Variants in ADGRF5 observed in about 807,000 individuals in gnomAD.
ADGRF5 encodes the protein G-protein coupled receptor 116.
Under a neutral mutation model 132.3 loss-of-function variants are expected in ADGRF5, and 75 were observed. The ratio of observed to expected loss-of-function variants is 0.57; its 90% CI spans 0.47 to 0.69. The LOEUF (loss-of-function observed/expected upper bound fraction) is 0.69, where lower values mean the gene tolerates loss of function less well. Ranked by LOEUF, ADGRF5 falls within the 30% of genes least tolerant of loss-of-function variation. The probability of loss-of-function intolerance (pLI) is 0.00; values close to 1 mark genes in which losing one functional copy is unlikely to be tolerated. For missense variants in ADGRF5, 1,516 were observed against 1,630.6 expected (o/e 0.93, Z 1.21); for synonymous variants, 629 against 597.6 (o/e 1.05, Z -0.77).
chr6:46,953,629 TTA>T (rs1778581084), intron 1 of ADGRF5, among the ~76,000 whole-genome samples: 1 of 65,072 alleles, frequency 1.5e-5, no homozygotes, highest in Non-Finnish European at 3.0e-5. Context: ...AAAAAAAAAA[TTA>T]TATATATATA....
At chr6:46,925,308 T>G (rs938804694), upstream of ADGRF5, among the ~76,000 whole-genome samples, 3 of 152,228 alleles carry the variant, frequency 2.0e-5, no homozygotes, top group African/African-American at 7.2e-5. Context: ...TGCCCTAACA[T>G]TGCTTTCTTA....
At chr6:46,857,254 C>T (rs940335262) in intron 17 of ADGRF5, among the ~76,000 whole-genome samples, 7 of 152,130 alleles carry the variant, frequency 4.6e-5, no homozygotes, top group African/African-American at 1.2e-4. Flanking sequence ...TAGTTCCTTC[C>T]AAATGAGGCA....
At chr6:46,872,979 C>T (rs745980552) in intron 10 of ADGRF5, among the ~76,000 whole-genome samples, 2 of 152,128 alleles carry the variant, frequency 1.3e-5, no homozygotes, top group Non-Finnish European at 2.9e-5. Flanking sequence ...TTGTTTGAAA[C>T]ACGAAACTGA....
intron 1 of ADGRF5, among the ~76,000 whole-genome samples, chr6:46,929,698 T>G (rs559004376): frequency 6.6e-6 from 1 of 152,032 alleles, no homozygotes; most frequent in Non-Finnish European, 1.5e-5. Flanking sequence ...TGTTTAACGA[T>G]GTTTGGCTTT....
intron 1 of ADGRF5, among the ~76,000 whole-genome samples, chr6:46,928,770 T>G (rs1485156808): frequency 6.6e-6 from 1 of 152,116 alleles, no homozygotes. Context: ...ATCAGAGAAA[T>G]GCAAATCAAA....
chr6:46,926,672 GCCCATGGTATGAAATACGTCA>G, upstream of ADGRF5, among the ~76,000 whole-genome samples: 1 of 152,098 alleles, frequency 6.6e-6, no homozygotes, highest in South Asian at 2.1e-4. Context: ...CACTTCTGAT[GCCCATGGTATGAAATACGTCA>G]CCCACATGCC....
chr6:46,925,210 T>C (rs1409832942), upstream of ADGRF5, among the ~76,000 whole-genome samples: 1 of 152,144 alleles, frequency 6.6e-6, no homozygotes. Context: ...CATTTCAGGG[T>C]CTTCACACTT....
chr6:46,926,481 G>GA (rs1777247240), upstream of ADGRF5, among the ~76,000 whole-genome samples: 1 of 19,604 alleles, frequency 5.1e-5, no homozygotes, highest in Non-Finnish European at 9.1e-5. Context: ...CATCTCGGGT[G>GA]AGGGGGGGGG....
At chr6:46,951,492 A>G (rs767376433) in intron 1 of ADGRF5, among the ~76,000 whole-genome samples, 1 of 152,210 alleles carries the variant, frequency 6.6e-6, no homozygotes, top group African/African-American at 2.4e-5. Flanking sequence ...ATTTGATTCT[A>G]GGTGAAATAT....
chr6:46,944,620 T>C (rs1778229095), intron 1 of ADGRF5, among the ~76,000 whole-genome samples: 2 of 152,226 alleles, frequency 1.3e-5, no homozygotes, highest in African/African-American at 4.8e-5. Flanking sequence ...GCACAAACTG[T>C]GCTTTGCATC....
Position 46,879,595 on chromosome 6 carries a change from T to C in ADGRF5, c.1036+223A>G, listed in dbSNP as rs1345350010. 2.0e-5 allele frequency among the ~76,000 whole-genome samples: 3 copies of C among 152,210 alleles called. No individual in the cohort carries two copies. In the East Asian group the frequency reaches 5.8e-4, roughly 29 times the overall value. On this transcript the variant is annotated intron_variant, in intron 9 of 20. Coordinates refer to ENST00000283296, the MANE Select transcript of ADGRF5 (RefSeq NM_001098518.2). Reference sequence around the variant, plus strand: ...TGCAGAACTGTGAGTCAATTAAACCTTTTTTCTTCATAAATTACCCAATCT... The same window carrying C: ...TGCAGAACTGTGAGTCAATTAAACCCTTTTTCTTCATAAATTACCCAATCT...
In ADGRF5 at chr6:46,852,557, G is replaced by A. The variant is rs189158163; in HGVS notation, c.*1435C>T. On this transcript the variant is annotated 3_prime_UTR_variant, in exon 21 of 21. Transcript: ENST00000283296. ...GGACTTTTATTTGCAATGTAGCGTT[G>A]CTGTATCAATAGTACATGGTTAACT... is the stretch of plus-strand genomic sequence containing the variant. The A allele has an allele frequency of 2.0e-5, 3 of 151,986 alleles. No homozygotes were observed. The highest frequency in any genetic ancestry group is 7.3e-5 in the African/African-American group (3 of 41,358). 9.4% of individuals were successfully genotyped at this position (151,986 alleles called of 1,614,324 possible).
intron 1 of ADGRF5, among the ~76,000 whole-genome samples, chr6:46,936,935 T>G (rs549629769): frequency 6.6e-6 from 1 of 152,292 alleles, no homozygotes; most frequent in African/African-American, 2.4e-5. Flanking sequence ...GGGATCCCCC[T>G]CTCCCATAGC....
intron 1 of ADGRF5, among the ~76,000 whole-genome samples, chr6:46,941,465 A>AGAAAAGAAAAGAAAAG (rs1561839038): frequency 7.4e-5 from 3 of 40,612 alleles, no homozygotes; most frequent in African/African-American, 1.4e-4. Flanking sequence ...AGAAAAGAAA[A>AGAAAAGAAAAGAAAAG]GAAAGAAAAG....
chr6:46,854,935 T>C (rs1581707373), intron 20 of ADGRF5, among the ~76,000 whole-genome samples: 1 of 152,208 alleles, frequency 6.6e-6, no homozygotes, highest in Admixed American at 6.5e-5. Context: ...TTAACAGTTA[T>C]AGGAATTCAC....
At chr6:46,903,214 G>C (rs551965787) in intron 2 of ADGRF5, among the ~76,000 whole-genome samples, 20 of 149,284 alleles carry the variant, frequency 1.3e-4, no homozygotes, top group Admixed American at 1.0e-3. Context: ...ATCTCACAAG[G>C]GAGCACAGGT....
chr6:46,919,712 G>A (rs1380139172), intron 1 of ADGRF5, among the ~76,000 whole-genome samples: 1 of 152,200 alleles, frequency 6.6e-6, no homozygotes, highest in African/African-American at 2.4e-5. Context: ...CAGAGATCTG[G>A]AGAAGGGACA....
intron 1 of ADGRF5, among the ~76,000 whole-genome samples, chr6:46,929,867 G>T (rs1214015751): frequency 1.3e-5 from 2 of 151,602 alleles, no homozygotes; most frequent in Non-Finnish European, 2.9e-5. Flanking sequence ...TGTTGCCCAG[G>T]CTGGACACAG....
At chr6:46,953,649 G>GTATATATATATATATATATATAGATATA (rs1408461844) in intron 1 of ADGRF5, among the ~76,000 whole-genome samples, 2 of 91,506 alleles carry the variant, frequency 2.2e-5, no homozygotes, top group Admixed American at 1.2e-4. Context: ...ATAGATATAT[G>GTATATATATATATATATATATAGATATA]TGTATATATA....
Sources: gnomAD v4.1 joint callset for allele counts (sites outside exome capture counted in the v4.1 genomes callset) on GRCh38, gnomAD v4.1.1 for gene constraint, MANE v1.5 for transcripts, NCBI Gene and HGNC (gene_info 2026-07-23, HGNC 2026-07-21) for gene names.